The following AFF2 variants were observed in gnomAD, a reference collection of about 807,000 sequenced individuals.
The protein encoded by AFF2 is ALF transcription elongation factor 2, also known as AF4/FMR2 family member 2.
Under a neutral mutation model 76.9 loss-of-function variants are expected in AFF2, and 14 were observed. The observed-to-expected ratio is 0.18, with a 90% CI of 0.12 to 0.28. The LOEUF (loss-of-function observed/expected upper bound fraction) is 0.28. Among genes scored for constraint, AFF2 ranks in the 10% least tolerant of loss-of-function variants. The pLI is 1.00. For missense variants in AFF2, 868 were observed against 1,001.1 expected (o/e 0.87, Z 1.79); for synonymous variants, 398 against 366.7 (o/e 1.09, Z -0.98).
At chrX:148,688,775 T>C (rs1253574421) in intron 3 of AFF2, among the ~76,000 whole-genome samples, 1 of 111,770 alleles carries the variant, frequency 8.9e-6, no homozygotes, top group African/African-American at 3.3e-5. Context: ...TGGCATCCTA[T>C]TGCTCCTAGT....
chrX:148,855,741 C>T (rs2070779925), intron 7 of AFF2, among the ~76,000 whole-genome samples: 1 of 111,650 alleles, frequency 9.0e-6, no homozygotes, highest in South Asian at 3.8e-4. Context: ...CAAATCCCAG[C>T]TCCACCATCT....
At chrX:148,518,369 G>A (rs781941897) in intron 1 of AFF2, among the ~76,000 whole-genome samples, 190 of 112,163 alleles carry the variant, frequency 1.7e-3, no homozygotes, top group Non-Finnish European at 1.7e-3. Context: ...GTGGTCTCTA[G>A]TATTTGCAGT....
chrX:148,652,000 C>T lies in AFF2; in HGVS notation c.49C>T (p.His17Tyr). ...TTTGTCTTTTCCTTTTCATATCAGTCACTATGAACAAGACCGTAGTGCACT... is the reference window on the plus strand; with the variant it reads ...TTTGTCTTTTCCTTTTCATATCAGTTACTATGAACAAGACCGTAGTGCACT... ...FRDWDLEQQC[H>Y]YEQDRSALKK... The change falls in exon 2 of 21, where the codon CAC becomes TAC. Residue 17 changes from histidine (H) to tyrosine (Y), a missense_variant and splice_region_variant. Physicochemically the swap from His to Tyr is moderately conservative, Grantham distance 83 (BLOSUM62 2). Around this residue, in one of 6 missense-constraint regions of AFF2, gnomAD observed 196 missense variants for 194.8 expected, o/e 1.01. Transcript: ENST00000370460. The T allele has an allele frequency of 2.6e-6, 3 of 1,161,743 alleles. No individual in the cohort carries two copies. The highest frequency in any genetic ancestry group is 3.4e-6 in the Non-Finnish European group (3 of 870,509).
chrX:148,784,974 T>G (rs1328462295), intron 3 of AFF2, among the ~76,000 whole-genome samples: 2 of 111,563 alleles, frequency 1.8e-5, no homozygotes, highest in African/African-American at 6.5e-5. Context: ...AGCCTTTCAC[T>G]TGGGAGCCGC....
intron 1 of AFF2, among the ~76,000 whole-genome samples, chrX:148,571,148 A>C (rs782676803): frequency 8.9e-6 from 1 of 112,052 alleles, no homozygotes; most frequent in Non-Finnish European, 1.9e-5. Context: ...TGTGGTATAG[A>C]TGAAGCATTA....
intron 3 of AFF2, among the ~76,000 whole-genome samples, chrX:148,681,355 T>A (rs1019183519): frequency 9.0e-6 from 1 of 111,534 alleles, no homozygotes; most frequent in Non-Finnish European, 1.9e-5. Flanking sequence ...CTTTTTTCTA[T>A]CCTTTCTTAC....
intron 4 of AFF2, among the ~76,000 whole-genome samples, chrX:148,827,864 T>G (rs2070407423): frequency 8.9e-6 from 1 of 111,950 alleles, no homozygotes; most frequent in East Asian, 2.8e-4. Context: ...AAATATAGAT[T>G]ATTAGAAATG....
At chrX:148,870,087 T>G (rs1400923527) in intron 7 of AFF2, among the ~76,000 whole-genome samples, 1 of 111,072 alleles carries the variant, frequency 9.0e-6, no homozygotes, top group Non-Finnish European at 1.9e-5. Flanking sequence ...TGGCAGCAAT[T>G]TTAACGATCC....
intron 3 of AFF2, among the ~76,000 whole-genome samples, chrX:148,797,383 T>C (rs1268680604): frequency 8.9e-6 from 1 of 111,797 alleles, no homozygotes; most frequent in Non-Finnish European, 1.9e-5. Flanking sequence ...CAGTATCTCA[T>C]GAAGTGCTAA....
At chrX:148,577,387 T>C (rs2053301939) in intron 1 of AFF2, among the ~76,000 whole-genome samples, 1 of 112,082 alleles carries the variant, frequency 8.9e-6, no homozygotes, top group South Asian at 3.7e-4. Context: ...AGAATAAAAA[T>C]AACTGGAAGT....
intron 1 of AFF2, among the ~76,000 whole-genome samples, chrX:148,648,933 C>G (rs2054174279): frequency 8.9e-6 from 1 of 111,839 alleles, no homozygotes; most frequent in South Asian, 3.7e-4. Flanking sequence ...TCAGTATGAA[C>G]ATGGGTTTTC....
chrX:148,888,139 C>A (rs2071181521), intron 8 of AFF2, among the ~76,000 whole-genome samples: 1 of 111,851 alleles, frequency 8.9e-6, no homozygotes, highest in South Asian at 3.8e-4. Context: ...CAGAATTTTT[C>A]ATCACTCCAA....
In AFF2 at chrX:148,948,635, G is replaced by A. The variant is rs138484909; in HGVS notation, c.1398-4945G>A. 2.2e-3 allele frequency among the ~76,000 whole-genome samples: 241 copies of A among 111,359 alleles called. 1 individual carries two copies. Among genetic ancestry groups the A allele is most frequent in the African/African-American group, 7.5e-3 (231 of 30,623 alleles). On this transcript the variant is annotated intron_variant, in intron 9 of 20. Coordinates refer to ENST00000370460, the MANE Select transcript of AFF2 (RefSeq NM_002025.4). ...ATTTTACAGGGTCATGCTGGAGGGG[G>A]CTATGTGCAGAATGAGGTCATTTTG...
chrX:148,903,566 T>C (rs1462414299), intron 8 of AFF2, among the ~76,000 whole-genome samples: 1 of 112,163 alleles, frequency 8.9e-6, no homozygotes, highest in Non-Finnish European at 1.9e-5. Context: ...CCGGGCTCCA[T>C]GTCTAAGGCA....
intron 3 of AFF2, among the ~76,000 whole-genome samples, chrX:148,683,707 G>A (rs1380154262): frequency 1.8e-5 from 2 of 111,594 alleles, no homozygotes; most frequent in Non-Finnish European, 1.9e-5. Context: ...TCCAAGCCTG[G>A]TGATTTTTCA....
At chrX:148,541,444 T>C (rs1241133996) in intron 1 of AFF2, among the ~76,000 whole-genome samples, 2 of 111,508 alleles carry the variant, frequency 1.8e-5, no homozygotes, top group African/African-American at 6.5e-5. Flanking sequence ...TATTATTCGC[T>C]GGGGAGTGTG....
chrX:148,971,653 G>A (rs1263285322), intron 15 of AFF2, among the ~76,000 whole-genome samples: 2 of 108,776 alleles, frequency 1.8e-5, no homozygotes, highest in Non-Finnish European at 3.8e-5. Context: ...GGGTCCCAAG[G>A]CATGTCAAGA....
intron 20 of AFF2, among the ~76,000 whole-genome samples, chrX:148,988,706 C>T (rs2072501583): frequency 1.8e-5 from 2 of 112,032 alleles, no homozygotes; most frequent in South Asian, 7.5e-4. Flanking sequence ...GCTCACAAAG[C>T]ACATTCCATA....
chrX:148,577,217 A>G (rs1239950952), intron 1 of AFF2, among the ~76,000 whole-genome samples: 3 of 111,848 alleles, frequency 2.7e-5, no homozygotes, highest in African/African-American at 9.7e-5. Context: ...CCAGTTGTAT[A>G]TATGGTTCTT....
Sources: allele counts gnomAD v4.1 joint callset (sites outside exome capture counted in the v4.1 genomes callset), GRCh38; gene constraint gnomAD v4.1.1; regional missense constraint gnomAD v4.1.1; transcripts MANE v1.5; gene names NCBI Gene and HGNC (gene_info 2026-07-23, HGNC 2026-07-21).